LPCAT3: variants seen among roughly 807,000 people sequenced by gnomAD.
LPCAT3 encodes lysophospholipid acyltransferase 5.
Under a neutral mutation model 63.4 loss-of-function variants are expected in LPCAT3, and 21 were observed. That is an observed-to-expected ratio of 0.33 (90% CI 0.23 to 0.48). The LOEUF (loss-of-function observed/expected upper bound fraction) is 0.48, where lower values mean the gene tolerates loss of function less well. LPCAT3 is among the 20% of genes least tolerant of loss of function. The pLI is 0.99. For missense variants in LPCAT3, 451 were observed against 590.6 expected (o/e 0.76, Z 2.45); for synonymous variants, 242 against 227.5 (o/e 1.06, Z -0.58).
chr12:6,993,242 A>G (rs782776794), intron 1 of LPCAT3, among the ~76,000 whole-genome samples: 22 of 152,240 alleles, frequency 1.4e-4, no homozygotes, highest in African/African-American at 4.8e-4. Flanking sequence ...GATCAAGACC[A>G]TCCTGGCCAA....
At position 6,982,966 on chromosome 12, in the gene LPCAT3, A is replaced by G. The variant is rs782044203; in HGVS notation, c.260-184T>C. On this transcript the variant is annotated intron_variant, in intron 2 of 12. Coordinates refer to ENST00000261407, the MANE Select transcript of LPCAT3 (RefSeq NM_005768.6). The stretch of plus-strand genomic sequence containing the variant: ...AAATAAAAAAGATTATTAGGGTGTT[A>G]TTTTATTTCTTTTCTTTTTTTGTTT... 86 of 669,800 alleles carry G rather than the reference A, an allele frequency of 1.3e-4. No homozygotes were observed. In the African/African-American group the frequency reaches 1.5e-3, roughly 11 times the overall value. 41.5% of individuals were successfully genotyped at this position (669,800 alleles called of 1,614,324 possible).
intron 1 of LPCAT3, among the ~76,000 whole-genome samples, chr12:7,000,701 C>A (rs1946678552): frequency 6.6e-6 from 1 of 151,594 alleles, no homozygotes; most frequent in South Asian, 2.1e-4. Flanking sequence ...CATACCTACA[C>A]CTAACTTCTT....
At chr12:6,983,614 G>T in intron 1 of LPCAT3, 75 bp from the exon 2 acceptor site, 1 of 871,024 alleles carries the variant, frequency 1.1e-6, no homozygotes. Flanking sequence ...AGTTTATCTG[G>T]CATGAAACGC....
At chr12:7,003,495 TCTCA>T (rs1946704270) in intron 1 of LPCAT3, among the ~76,000 whole-genome samples, 1 of 152,184 alleles carries the variant, frequency 6.6e-6, no homozygotes, top group African/African-American at 2.4e-5. Flanking sequence ...AGAGACTGGG[TCTCA>T]CTGTGTTGTC....
At chr12:7,016,700 A>G (rs1433300535) in intron 1 of LPCAT3, among the ~76,000 whole-genome samples, 1 of 152,254 alleles carries the variant, frequency 6.6e-6, no homozygotes, top group Non-Finnish European at 1.5e-5. Flanking sequence ...TGTAAACACT[A>G]ATTGCTAATT....
At chr12:6,985,110 G>T (rs1168792121) in intron 1 of LPCAT3, among the ~76,000 whole-genome samples, 8 of 140,536 alleles carry the variant, frequency 5.7e-5, no homozygotes, top group Non-Finnish European at 7.7e-5. Context: ...AAAAAAAAAA[G>T]GCTGGGCGCG....
intron 1 of LPCAT3, among the ~76,000 whole-genome samples, chr12:6,999,115 C>T (rs781838878): frequency 1.3e-5 from 2 of 152,216 alleles, no homozygotes; most frequent in Admixed American, 6.5e-5. Context: ...TAGACATAAG[C>T]ACACCCATTT....
rs1473383102 is a variant in LPCAT3, at chr12:7,017,077, A to G, written c.151+1197T>C. 6.6e-6 allele frequency among the ~76,000 whole-genome samples: 1 copy of G among 152,200 alleles called. No individual in the cohort carries two copies. Among genetic ancestry groups the G allele is most frequent in the African/African-American group, 2.4e-5 (1 of 41,442 alleles). ...TCTACTGAATACTGGATAAACGCCAAACTTCTCTCTGGCATTTAAGGCTTT... is the reference window on the plus strand; with the variant it reads ...TCTACTGAATACTGGATAAACGCCAGACTTCTCTCTGGCATTTAAGGCTTT... On this transcript the variant is annotated intron_variant, in intron 1 of 12. Transcript: ENST00000261407. This position sits in a 1 kb window ranked among gnomAD's most constrained non-coding sequence, Gnocchi z 4.1.
intron 1 of LPCAT3, among the ~76,000 whole-genome samples, chr12:7,008,226 C>A (rs1415923757): frequency 6.6e-6 from 1 of 152,080 alleles, no homozygotes; most frequent in African/African-American, 2.4e-5. Context: ...ACAGTATCTT[C>A]TGAACTATAC....
Position 6,983,544 on chromosome 12 carries a change from AT to A in LPCAT3, c.152-6del. On this transcript the variant is annotated splice_polypyrimidine_tract_variant and splice_region_variant and intron_variant, in intron 1 of 12. Coordinates refer to ENST00000261407, the MANE Select transcript of LPCAT3 (RefSeq NM_005768.6). ...AAAACAAAGCAAAGGGGTAACCTAG[AT>A]GGGGGAAAAGATAAGAAGAGTGTTA... 1.3e-6 allele frequency: 2 copies of A among 1,560,446 alleles called. No individual in the cohort carries two copies. The highest frequency in any genetic ancestry group is 1.8e-6 in the Non-Finnish European group (2 of 1,132,396).
intron 7 of LPCAT3, 151 bp downstream of exon 7, chr12:6,979,320 C>T (rs782398003): frequency 6.4e-5 from 41 of 642,480 alleles, no homozygotes; most frequent in East Asian, 2.2e-4. Flanking sequence ...TGTCCCAGCA[C>T]GGCTGGCATT....
intron 1 of LPCAT3, among the ~76,000 whole-genome samples, chr12:7,014,260 C>T (rs1946783408): frequency 1.3e-5 from 2 of 152,238 alleles, no homozygotes; most frequent in African/African-American, 4.8e-5. Context: ...ACTCATACTA[C>T]ACCCACTGCT....
intron 1 of LPCAT3, chr12:7,001,529 T>C (rs1383506130): frequency 6.6e-6 from 3 of 455,860 alleles, no homozygotes; most frequent in African/African-American, 4.0e-5. Context: ...GGTGAGGCTT[T>C]TGGGAGGGGT....
At chr12:7,004,678 G>T (rs1555156757) in intron 1 of LPCAT3, among the ~76,000 whole-genome samples, 1 of 152,232 alleles carries the variant, frequency 6.6e-6, no homozygotes, top group South Asian at 2.1e-4. Context: ...CTGAAACTTC[G>T]GGTGTTCAAT....
chr12:6,990,823 A>G (rs1187541456), intron 1 of LPCAT3, among the ~76,000 whole-genome samples: 2 of 149,912 alleles, frequency 1.3e-5, no homozygotes, highest in African/African-American at 4.9e-5. Context: ...AGGCTGAGGC[A>G]GGAGAATCGC....
chr12:6,982,976 TTTTC>T, intron 2 of LPCAT3, 194 bp from the exon 3 acceptor site: 3 of 659,034 alleles, frequency 4.6e-6, no homozygotes, highest in Non-Finnish European at 8.2e-6. Context: ...ATTTTATTTC[TTTTC>T]TTTTTTTGTT....
intron 1 of LPCAT3, among the ~76,000 whole-genome samples, chr12:6,989,139 C>T (rs1199926828): frequency 6.6e-6 from 1 of 151,344 alleles, no homozygotes; most frequent in Admixed American, 6.6e-5. Context: ...AAAAAAAGAA[C>T]TTGTTTGGCA....
At chr12:7,013,896 C>T (rs999384610) in intron 1 of LPCAT3, among the ~76,000 whole-genome samples, 12 of 152,234 alleles carry the variant, frequency 7.9e-5, no homozygotes, top group Non-Finnish European at 1.6e-4. Context: ...CTATCACCTA[C>T]GTGAGTACTA....
At chr12:6,978,089 TA>T in intron 9 of LPCAT3, 1 of 569,262 alleles carries the variant, frequency 1.8e-6, no homozygotes. Flanking sequence ...GTGGAGGACA[TA>T]AGTCCATTGG....
Sources: gnomAD v4.1 joint callset for allele counts (sites outside exome capture counted in the v4.1 genomes callset) on GRCh38, gnomAD v4.1.1 for gene constraint, Gnocchi (gnomAD v3.1) non-coding constraint, MANE v1.5 for transcripts, NCBI Gene and HGNC (gene_info 2026-07-23, HGNC 2026-07-21) for gene names.